CERT1: variants seen among roughly 807,000 people sequenced by gnomAD.
CERT1 encodes the protein ceramide transfer protein.
CERT1 carries 31 observed loss-of-function variants against 87.9 expected under a neutral mutation model. The ratio of observed to expected loss-of-function variants is 0.35; its 90% confidence interval spans 0.27 to 0.48. The LOEUF (loss-of-function observed/expected upper bound fraction) is 0.48. Among genes scored for constraint, CERT1 ranks in the 20% least tolerant of loss-of-function variants. CERT1 has a pLI of 0.99. For missense variants in CERT1, 487 were observed against 758.0 expected (o/e 0.64, Z 4.20); for synonymous variants, 289 against 250.9 (o/e 1.15, Z -1.44).
At chr5:75,439,367 T>A (rs1359923834) in intron 3 of CERT1, among the ~76,000 whole-genome samples, 3 of 151,980 alleles carry the variant, frequency 2.0e-5, no homozygotes, top group Admixed American at 6.6e-5. Context: ...GTAAAAAGGT[T>A]GGCTTTAAAA....
chr5:75,445,200 T>C (rs1764487940), intron 3 of CERT1, among the ~76,000 whole-genome samples: 1 of 152,250 alleles, frequency 6.6e-6, no homozygotes, highest in African/African-American at 2.4e-5. Context: ...TTCTTAAACA[T>C]GTATCATTTT....
At chr5:75,409,281 A>G (rs1165708137) in intron 8 of CERT1, among the ~76,000 whole-genome samples, 1 of 152,188 alleles carries the variant, frequency 6.6e-6, no homozygotes, top group African/African-American at 2.4e-5. Flanking sequence ...GAAGGGATAA[A>G]TTGAGAATAA....
rs1361215786 is a variant in CERT1, at chr5:75,389,631, A to G, written c.1245T>C (p.Asp415=). The G allele has an allele frequency of 6.2e-7, 1 of 1,614,118 alleles. No homozygotes were observed. The highest frequency in any genetic ancestry group is 1.3e-5 in the African/African-American group (1 of 75,060). Residue 415 remains aspartate (D), a synonymous_variant, in exon 12 of 17, where the codon GAT becomes GAC. Coordinates refer to ENST00000643780, the MANE Select transcript of CERT1 (RefSeq NM_001379029.1). ...MTYSLQDVGG[D]ANWQLVVEEG... ...CTTCTACAACCAACTGCCAATTGGCATCTCCGCCTACATCCTGTAATGAGT... is the reference window on the plus strand; with the variant it reads ...CTTCTACAACCAACTGCCAATTGGCGTCTCCGCCTACATCCTGTAATGAGT...
At chr5:75,456,648 A>C (rs1472969328) in intron 3 of CERT1, among the ~76,000 whole-genome samples, 2 of 145,838 alleles carry the variant, frequency 1.4e-5, no homozygotes, top group Non-Finnish European at 3.0e-5. Context: ...GCTGGGTGAC[A>C]AAGTGACCTC....
At chr5:75,437,326 C>T (rs1445081731) in intron 3 of CERT1, among the ~76,000 whole-genome samples, 1 of 152,096 alleles carries the variant, frequency 6.6e-6, no homozygotes, top group Non-Finnish European at 1.5e-5. Flanking sequence ...AACAAGACTC[C>T]ATTTCAGCAA....
At chr5:75,466,938 T>A (rs926051869) in intron 2 of CERT1, among the ~76,000 whole-genome samples, 1 of 152,258 alleles carries the variant, frequency 6.6e-6, no homozygotes, top group Non-Finnish European at 1.5e-5. Flanking sequence ...TAATGTGGTT[T>A]CTGGTTCCAG....
chr5:75,396,458 G>A (rs1015441790), intron 11 of CERT1, among the ~76,000 whole-genome samples: 3 of 152,098 alleles, frequency 2.0e-5, no homozygotes, highest in Non-Finnish European at 2.9e-5. Context: ...CAGGTGTGGC[G>A]GCTCATGCCT....
intron 8 of CERT1, among the ~76,000 whole-genome samples, chr5:75,407,514 T>C (rs1313147955): frequency 3.0e-5 from 4 of 134,264 alleles, no homozygotes; most frequent in African/African-American, 1.1e-4. Context: ...TCTAAATCAA[T>C]AGGGAAAAAA....
chr5:75,454,131 A>C (rs1336822304), intron 3 of CERT1, among the ~76,000 whole-genome samples: 1 of 152,210 alleles, frequency 6.6e-6, no homozygotes, highest in East Asian at 1.9e-4. Flanking sequence ...CGCAAAGTAT[A>C]ATACTATTGT....
At chr5:75,454,347 T>C (rs1764882918) in intron 3 of CERT1, among the ~76,000 whole-genome samples, 1 of 152,228 alleles carries the variant, frequency 6.6e-6, no homozygotes, top group South Asian at 2.1e-4. Context: ...TAAATAAATG[T>C]GGTTATATTA....
At chr5:75,428,449 C>T (rs979978023) in intron 3 of CERT1, among the ~76,000 whole-genome samples, 3 of 152,118 alleles carry the variant, frequency 2.0e-5, no homozygotes, top group Admixed American at 2.0e-4. Context: ...TAGGCCAAGG[C>T]GGGCGGATCA....
intron 2 of CERT1, among the ~76,000 whole-genome samples, chr5:75,478,715 A>G (rs1485153274): frequency 6.6e-6 from 1 of 152,068 alleles, no homozygotes; most frequent in Non-Finnish European, 1.5e-5. Context: ...AAGAAAGCTG[A>G]GGAAAAGGGT....
intron 11 of CERT1, 37 bp downstream of exon 11, chr5:75,399,273 G>T: frequency 6.8e-7 from 1 of 1,462,800 alleles, no homozygotes; most frequent in Non-Finnish European, 9.6e-7. Context: ...ATATAGCACA[G>T]AAAGACTCAA....
chr5:75,375,630 TA>T (rs1357591170), downstream of CERT1: 44 of 131,280 alleles, frequency 3.4e-4, no homozygotes, highest in Middle Eastern at 3.8e-3. Context: ...AATAAATAAA[TA>T]AAATAAATAA....
chr5:75,493,302 T>G (rs1007567055), intron 2 of CERT1, among the ~76,000 whole-genome samples: 6 of 152,210 alleles, frequency 3.9e-5, no homozygotes, highest in African/African-American at 1.4e-4. Context: ...CTGAAGCAAA[T>G]TCTAAACATA....
chr5:75,435,131 T>G (rs1271123263), intron 3 of CERT1, among the ~76,000 whole-genome samples: 3 of 152,238 alleles, frequency 2.0e-5, no homozygotes, highest in African/African-American at 7.2e-5. Context: ...GTTCATTATT[T>G]AAAATTCTAT....
At chr5:75,380,943 C>T in intron 16 of CERT1, 129 bp downstream of exon 16, 1 of 970,092 alleles carries the variant, frequency 1.0e-6, no homozygotes, top group Non-Finnish European at 1.5e-6. Context: ...TCTGATATAC[C>T]TTTCTCCAAA....
intron 2 of CERT1, among the ~76,000 whole-genome samples, chr5:75,474,306 C>T (rs985944559): frequency 1.3e-5 from 2 of 152,068 alleles, no homozygotes; most frequent in African/African-American, 2.4e-5. Flanking sequence ...TTGAGGAGCT[C>T]GGATTTTGAG....
chr5:75,374,046 T>C (rs1257682813), downstream of CERT1: 2 of 398,768 alleles, frequency 5.0e-6, no homozygotes, highest in Admixed American at 4.4e-5. Flanking sequence ...AGCTTTGCTA[T>C]TGCAATATTT....
Sources: allele counts gnomAD v4.1 joint callset (sites outside exome capture counted in the v4.1 genomes callset), GRCh38; gene constraint gnomAD v4.1.1; transcripts MANE v1.5; gene names NCBI Gene and HGNC (gene_info 2026-07-23, HGNC 2026-07-21).